Variants in PCDHGA4 observed in about 807,000 individuals in gnomAD.
PCDHGA4 encodes the protein protocadherin gamma-A4.
PCDHGA4 carries 38 observed loss-of-function variants against 54.6 expected under a neutral mutation model. The ratio of observed to expected loss-of-function variants is 0.70; its 90% CI spans 0.54 to 0.91. PCDHGA4 has a LOEUF of 0.91. PCDHGA4 is among the 40% of genes least tolerant of loss of function. The probability of loss-of-function intolerance (pLI) is 0.00; values close to 1 mark genes in which losing one functional copy is unlikely to be tolerated. For missense variants in PCDHGA4, 1,298 were observed against 1,220.9 expected, an observed-to-expected ratio of 1.06 and a Z score of -0.94; for synonymous variants, 511 against 512.9, an observed-to-expected ratio of 1.00 and a Z score of 0.05.
At chr5:141,438,595 T>C (rs11949887) in intron 1 of PCDHGA4, among the ~76,000 whole-genome samples, 1,254 of 57,838 alleles carry the variant, frequency 0.022, 9 homozygotes, top group Non-Finnish European at 0.023. Flanking sequence ...TACATACATA[T>C]ATATATATAT....
chr5:141,430,754 A>G (rs778266116), intron 1 of PCDHGA4: 26 of 1,503,884 alleles, frequency 1.7e-5, no homozygotes, highest in East Asian at 4.6e-5. Flanking sequence ...CTGGAGGAAG[A>G]TAAGAATGAT....
At chr5:141,380,964 T>G (rs774157943) in intron 1 of PCDHGA4, among the ~76,000 whole-genome samples, 7 of 152,256 alleles carry the variant, frequency 4.6e-5, no homozygotes, top group Non-Finnish European at 1.0e-4. Flanking sequence ...TCAAAAGTAC[T>G]ATTAAACAAA....
At chr5:141,381,889 G>T (rs1385598954) in intron 1 of PCDHGA4, among the ~76,000 whole-genome samples, 1 of 132,634 alleles carries the variant, frequency 7.5e-6, no homozygotes, top group Non-Finnish European at 1.5e-5. Context: ...GAGTGCAATG[G>T]TGTGATCTCG....
In PCDHGA4 at chr5:141,420,134, G is replaced by A. The variant is rs769225630; in HGVS notation, c.2514+62513G>A. The A allele has an allele frequency of 1.1e-5, 18 of 1,613,952 alleles. No homozygotes were observed. Among genetic ancestry groups the A allele is most frequent in the Non-Finnish European group, 1.4e-5 (17 of 1,179,876 alleles). Reference sequence around the variant, plus strand: ...TGCCTATAATTTTTGTGTGCCTGGGGATCAAATGAATCCAGAATTTAATTT... The same window carrying A: ...TGCCTATAATTTTTGTGTGCCTGGGAATCAAATGAATCCAGAATTTAATTT... On this transcript the variant is annotated intron_variant, in intron 1 of 3. Coordinates refer to ENST00000571252, the MANE Select transcript of PCDHGA4 (RefSeq NM_018917.4).
At chr5:141,500,728 T>C (rs556463739) in intron 2 of PCDHGA4, among the ~76,000 whole-genome samples, 1 of 152,310 alleles carries the variant, frequency 6.6e-6, no homozygotes, top group South Asian at 2.1e-4. Context: ...CCCATGTCTT[T>C]CAAAATTCTT....
intron 1 of PCDHGA4, chr5:141,370,629 C>G: frequency 6.2e-7 from 1 of 1,613,860 alleles, no homozygotes; most frequent in Non-Finnish European, 8.5e-7. Flanking sequence ...TACCGTGAGC[C>G]CCGAAAATGG....
intron 1 of PCDHGA4, chr5:141,442,107 C>A: frequency 6.0e-6 from 1 of 166,198 alleles, no homozygotes; most frequent in Non-Finnish European, 1.3e-5. Flanking sequence ...CCACCACTAC[C>A]GCCCCTCGTC....
intron 1 of PCDHGA4, among the ~76,000 whole-genome samples, chr5:141,426,030 G>A (rs966664613): frequency 1.3e-5 from 2 of 152,168 alleles, no homozygotes; most frequent in Admixed American, 6.5e-5. Context: ...AATAGACTCA[G>A]AGCCCTGCTG....
chr5:141,506,207 TTGGGAAGCTGAG>T (rs1487107822), intron 3 of PCDHGA4, among the ~76,000 whole-genome samples: 1 of 152,020 alleles, frequency 6.6e-6, no homozygotes, highest in Non-Finnish European at 1.5e-5. Flanking sequence ...TCCCAGCACT[TTGGGAAGCTGAG>T]GCAGGAGGAT....
At chr5:141,370,250 T>C in intron 1 of PCDHGA4, 1 of 693,716 alleles carries the variant, frequency 1.4e-6, no homozygotes. Context: ...GTGCACTCTC[T>C]ATCAGGCTTC....
intron 1 of PCDHGA4, chr5:141,392,953 A>T: frequency 6.2e-7 from 1 of 1,613,924 alleles, no homozygotes; most frequent in Non-Finnish European, 8.5e-7. Context: ...TTCGTGGGTA[A>T]TATCTCCAAG....
chr5:141,459,992 C>T (rs1327580257), intron 1 of PCDHGA4, among the ~76,000 whole-genome samples: 1 of 152,126 alleles, frequency 6.6e-6, no homozygotes, highest in Admixed American at 6.5e-5. Flanking sequence ...ACAGGAGAAT[C>T]GCTTGAACCC....
intron 1 of PCDHGA4, chr5:141,398,705 A>G (rs778909536): frequency 6.2e-7 from 1 of 1,613,874 alleles, no homozygotes; most frequent in Admixed American, 1.7e-5. Flanking sequence ...AAATACCCGG[A>G]ACTGGCACTG....
rs1760584146 is a variant in PCDHGA4 at position 141,357,403 on chromosome 5, G to A, written c.2296G>A (p.Val766Met). The part of the protein sequence containing the change: ...LHAEGSRLAG[V>M]PASHFVGVDG... The stretch of plus-strand genomic sequence containing the variant: ...CGCTGAAGGCAGCAGGTTGGCAGGT[G>A]TGCCTGCCTCGCACTTTGTGGGCGT... Residue 766 changes from valine to methionine, a missense_variant, in exon 1 of 4, where the codon GTG becomes ATG. Physicochemically the swap from Val to Met is conservative, Grantham distance 21. Transcript: ENST00000571252. 1.2e-6 allele frequency: 2 copies of A among 1,614,252 alleles called. No individual in the cohort carries two copies. Among genetic ancestry groups the A allele is most frequent in the Non-Finnish European group, 1.7e-6 (2 of 1,180,044 alleles).
intron 1 of PCDHGA4, among the ~76,000 whole-genome samples, chr5:141,474,193 A>C (rs2099345142): frequency 6.6e-6 from 1 of 152,256 alleles, no homozygotes. Context: ...TACATTTTTA[A>C]AAGCTGATTT....
intron 1 of PCDHGA4, among the ~76,000 whole-genome samples, chr5:141,480,768 A>G (rs1371582817): frequency 6.6e-6 from 1 of 152,162 alleles, no homozygotes; most frequent in African/African-American, 2.4e-5. Flanking sequence ...TCCCCACTTG[A>G]TCCTAATGTG....
intron 1 of PCDHGA4, among the ~76,000 whole-genome samples, chr5:141,382,187 A>G (rs527857463): frequency 6.6e-6 from 1 of 152,216 alleles, no homozygotes; most frequent in Non-Finnish European, 1.5e-5. Flanking sequence ...AAGGTTCTAT[A>G]CAATCAAAAA....
chr5:141,391,756 TAGTA>T (rs1440223357), intron 1 of PCDHGA4: 2 of 152,192 alleles, frequency 1.3e-5, no homozygotes, highest in African/African-American at 2.4e-5. Flanking sequence ...TTTGGCTTCT[TAGTA>T]AGTATTATAT....
rs1357901633 is a variant in PCDHGA4, at chr5:141,476,594, C to G, written c.2515-18213C>G. On this transcript the variant is annotated intron_variant, in intron 1 of 3. Transcript: ENST00000571252. This position sits in a 1 kb window ranked among gnomAD's most constrained non-coding sequence, Gnocchi z 7.6. ...GACGCGCTTTCCGCTCGAGAGCGCG[C>G]ACGATCCCGATGTGGGAAGCAACTC... The G allele has an allele frequency of 3.7e-6, 6 of 1,614,242 alleles. No homozygotes were observed. The highest frequency in any genetic ancestry group is 4.2e-6 in the Non-Finnish European group (5 of 1,180,040).
Sources: allele counts gnomAD v4.1 joint callset (sites outside exome capture counted in the v4.1 genomes callset), GRCh38; gene constraint gnomAD v4.1.1; non-coding constraint Gnocchi (gnomAD v3.1); transcripts MANE v1.5; gene names NCBI Gene and HGNC (gene_info 2026-07-23, HGNC 2026-07-21).